Variants in NT5DC1 observed in about 807,000 individuals in gnomAD.
NT5DC1 encodes the protein 5'-nucleotidase domain containing 1.
Under a neutral mutation model 59.4 loss-of-function variants are expected in NT5DC1, and 42 were observed. The observed-to-expected ratio is 0.71, with a 90% confidence interval of 0.55 to 0.92. The LOEUF (loss-of-function observed/expected upper bound fraction) is 0.92. Ranked by LOEUF, NT5DC1 falls within the 40% of genes least tolerant of loss-of-function variation. The pLI is 0.00. For missense variants in NT5DC1, 501 were observed against 537.1 expected (o/e 0.93, Z 0.66); for synonymous variants, 172 against 188.1 (o/e 0.91, Z 0.70).
intron 1 of NT5DC1, 104 bp from the exon 2 acceptor site, chr6:116,106,140 C>T (rs1367804789): frequency 2.7e-6 from 2 of 742,468 alleles, no homozygotes; most frequent in Non-Finnish European, 4.9e-6. Flanking sequence ...TTTCCTTCCT[C>T]CTACCTGCCC....
chr6:116,143,106 T>A (rs1393884683), intron 6 of NT5DC1, among the ~76,000 whole-genome samples: 1 of 152,200 alleles, frequency 6.6e-6, no homozygotes, highest in African/African-American at 2.4e-5. Context: ...AGAAATAATA[T>A]TAAAATGCCT....
chr6:116,107,540 TTTTTATTTTATTTTA>T (rs371049347), intron 2 of NT5DC1, among the ~76,000 whole-genome samples: 1,446 of 132,680 alleles, frequency 0.011, 59 homozygotes, highest in Admixed American at 0.086. Flanking sequence ...AGTGGTTTTC[TTTTTATTTTATTTTA>T]TTTTATTTTA....
intron 6 of NT5DC1, among the ~76,000 whole-genome samples, chr6:116,142,503 C>A (rs964689811): frequency 6.6e-6 from 1 of 152,032 alleles, no homozygotes; most frequent in African/African-American, 2.4e-5. Context: ...AAACTTACTT[C>A]TGATTATTTG....
intron 1 of NT5DC1, among the ~76,000 whole-genome samples, chr6:116,105,502 A>T (rs1388853471): frequency 1.3e-5 from 2 of 152,216 alleles, no homozygotes; most frequent in Non-Finnish European, 2.9e-5. Context: ...GCCAAAGAAC[A>T]CTTCGAGGTA....
intron 6 of NT5DC1, among the ~76,000 whole-genome samples, chr6:116,131,292 A>C (rs1779456776): frequency 6.6e-6 from 1 of 152,180 alleles, no homozygotes; most frequent in Non-Finnish European, 1.5e-5. Flanking sequence ...ATATTCAGAG[A>C]AGGGTAGCCT....
chr6:116,204,036 G>A (rs76181613), intron 6 of NT5DC1, among the ~76,000 whole-genome samples: 61 of 151,794 alleles, frequency 4.0e-4, no homozygotes, highest in African/African-American at 1.4e-3. Flanking sequence ...AAAAACCCTC[G>A]AAGGCTGTGG....
rs769156889 is a variant in NT5DC1, at chr6:116,249,093, A to G, written c.*5069A>G. On this transcript the variant is annotated 3_prime_UTR_variant, in exon 12 of 12. Coordinates refer to ENST00000319550, the MANE Select transcript of NT5DC1 (RefSeq NM_152729.3). ...GTGGCTGACAATGCAGAAATCAATC[A>G]CTGAACTGAAAAGGTAAAATGAACA... is the stretch of plus-strand genomic sequence containing the variant. The G allele has an allele frequency of 7.9e-5, 12 of 152,240 alleles. 1 individual carries two copies. Among genetic ancestry groups the G allele is most frequent in the Admixed American group, 3.3e-4 (5 of 15,290 alleles). The allele number at this position is 152,240 out of a possible 1,614,324, so 9.4% of individuals were successfully genotyped here. A position where few individuals can be genotyped will look rare whatever the true frequency, so the allele number is the denominator to read the frequency against.
intron 6 of NT5DC1, among the ~76,000 whole-genome samples, chr6:116,143,929 T>C (rs564883697): frequency 2.6e-5 from 4 of 152,344 alleles, no homozygotes; most frequent in African/African-American, 7.2e-5. Flanking sequence ...TTTGTAATGC[T>C]TTATAATAAA....
At chr6:116,123,067 G>A (rs1345238608) in intron 6 of NT5DC1, among the ~76,000 whole-genome samples, 2 of 152,102 alleles carry the variant, frequency 1.3e-5, no homozygotes, top group East Asian at 3.8e-4. Flanking sequence ...ATGGGTTGGA[G>A]GAATAAAATA....
intron 4 of NT5DC1, among the ~76,000 whole-genome samples, chr6:116,114,511 T>G (rs1778929209): frequency 8.7e-6 from 1 of 114,524 alleles, no homozygotes; most frequent in African/African-American, 3.4e-5. Flanking sequence ...CATAACCTCA[T>G]ATACATAGCT....
chr6:116,161,061 AATC>A (rs899893751), intron 6 of NT5DC1, among the ~76,000 whole-genome samples: 1 of 151,880 alleles, frequency 6.6e-6, no homozygotes, highest in African/African-American at 2.4e-5. Flanking sequence ...TGAAATTGGA[AATC>A]ATCATTCTCA....
At chr6:116,190,153 C>T (rs1781084946) in intron 6 of NT5DC1, among the ~76,000 whole-genome samples, 1 of 151,910 alleles carries the variant, frequency 6.6e-6, no homozygotes, top group Non-Finnish European at 1.5e-5. Flanking sequence ...ATACCTGTTA[C>T]ATAGTGGCTG....
chr6:116,214,302 T>A (rs1781647084), intron 6 of NT5DC1, among the ~76,000 whole-genome samples: 1 of 152,074 alleles, frequency 6.6e-6, no homozygotes, highest in African/African-American at 2.4e-5. Context: ...ATCCTTCTTA[T>A]AAAGGAAATA....
chr6:116,212,220 TATC>T (rs143539429), intron 6 of NT5DC1, among the ~76,000 whole-genome samples: 3,584 of 152,194 alleles, frequency 0.024, 127 homozygotes, highest in African/African-American at 0.081. Flanking sequence ...TTTCTTTTGT[TATC>T]ATGGAGTAAC....
At chr6:116,243,777 C>T in intron 11 of NT5DC1, 132 bp from the exon 12 acceptor site, 1 of 526,248 alleles carries the variant, frequency 1.9e-6, no homozygotes. Flanking sequence ...CACAGACCTA[C>T]TGAAGGAGCA....
intron 6 of NT5DC1, among the ~76,000 whole-genome samples, chr6:116,129,521 G>C (rs1221595525): frequency 2.0e-5 from 3 of 152,154 alleles, no homozygotes; most frequent in Non-Finnish European, 4.4e-5. Context: ...TTATATAGAA[G>C]CAAGCTCGGC....
intron 6 of NT5DC1, among the ~76,000 whole-genome samples, chr6:116,133,141 G>C (rs528718832): frequency 6.6e-6 from 1 of 152,114 alleles, no homozygotes; most frequent in African/African-American, 2.4e-5. Context: ...TCATAGTTTC[G>C]TGCGCCAAGT....
chr6:116,230,366 C>CT (rs1283934568), intron 8 of NT5DC1, among the ~76,000 whole-genome samples: 1 of 152,160 alleles, frequency 6.6e-6, no homozygotes, highest in Non-Finnish European at 1.5e-5. Flanking sequence ...TCTTCCTTAA[C>CT]TCTATCTCCA....
chr6:116,118,288 T>A (rs868416190), intron 6 of NT5DC1, among the ~76,000 whole-genome samples: 2 of 152,170 alleles, frequency 1.3e-5, no homozygotes, highest in African/African-American at 4.8e-5. Context: ...GTAGTAGTTA[T>A]AGACAGGTGG....
Sources: gnomAD v4.1 joint callset for allele counts (sites outside exome capture counted in the v4.1 genomes callset) on GRCh38, gnomAD v4.1.1 for gene constraint, MANE v1.5 for transcripts, NCBI Gene and HGNC (gene_info 2026-07-23, HGNC 2026-07-21) for gene names.